The following CSF1R variants were observed in gnomAD, a reference collection of about 807,000 sequenced individuals.
CSF1R encodes macrophage colony-stimulating factor 1 receptor.
CSF1R carries 40 observed loss-of-function variants against 110.0 expected under a neutral mutation model. The observed-to-expected ratio is 0.36, with a 90% confidence interval of 0.28 to 0.47. The LOEUF (loss-of-function observed/expected upper bound fraction) is 0.47. Among genes scored for constraint, CSF1R ranks in the 20% least tolerant of loss-of-function variants. The pLI, the probability that CSF1R is intolerant of heterozygous loss-of-function variation, is 0.99. For synonymous variants in CSF1R, 523 were observed against 503.4 expected, an observed-to-expected ratio of 1.04 and a Z score of -0.52; for missense variants, 1,052 against 1,253.0, an observed-to-expected ratio of 0.84 and a Z score of 2.42.
At chr5:150,092,245 C>A (rs1759067560) in intron 1 of CSF1R, among the ~76,000 whole-genome samples, 1 of 152,186 alleles carries the variant, frequency 6.6e-6, no homozygotes, top group African/African-American at 2.4e-5. Context: ...TATAGTTTGC[C>A]AATCTCTGAT....
intron 10 of CSF1R, among the ~76,000 whole-genome samples, chr5:150,064,836 C>A (rs1757688446): frequency 6.6e-6 from 1 of 152,154 alleles, no homozygotes; most frequent in Non-Finnish European, 1.5e-5. Flanking sequence ...CTGCCTTCTG[C>A]CTGCCTCAGG....
chr5:150,059,058 T>A (rs1274098961), intron 14 of CSF1R, among the ~76,000 whole-genome samples: 1 of 152,112 alleles, frequency 6.6e-6, no homozygotes, highest in Non-Finnish European at 1.5e-5. Context: ...CTCTCTTTTT[T>A]TTTGAGACGG....
intron 3 of CSF1R, 99 bp downstream of exon 3, chr5:150,079,953 G>T: frequency 7.3e-7 from 1 of 1,378,354 alleles, no homozygotes; most frequent in Non-Finnish European, 1.0e-6. Context: ...ACATCCCACT[G>T]CCCCCCATCA....
chr5:150,110,820 T>C (rs1406129032), intron 1 of CSF1R, among the ~76,000 whole-genome samples: 2 of 152,142 alleles, frequency 1.3e-5, no homozygotes, highest in Non-Finnish European at 2.9e-5. Context: ...CATATAAAAA[T>C]ACTCAAAGAA....
chr5:150,112,296 G>A (rs1306971546), intron 1 of CSF1R, among the ~76,000 whole-genome samples: 2 of 152,258 alleles, frequency 1.3e-5, no homozygotes, highest in African/African-American at 4.8e-5. Context: ...TGGGATAATA[G>A]TAGGACTCAG....
intron 4 of CSF1R, among the ~76,000 whole-genome samples, 162 bp from the exon 5 acceptor site, chr5:150,077,597 T>C (rs1034983411): frequency 1.3e-5 from 2 of 152,018 alleles, no homozygotes; most frequent in Non-Finnish European, 2.9e-5. Context: ...CCCAAGACTG[T>C]AGTGAGGAGT....
intron 1 of CSF1R, among the ~76,000 whole-genome samples, chr5:150,097,298 GAAGGGA>G (rs1479969900): frequency 1.2e-5 from 1 of 81,392 alleles, no homozygotes; most frequent in Non-Finnish European, 2.5e-5. Flanking sequence ...AAGGAGAAGG[GAAGGGA>G]AAGGGAAAGG....
chr5:150,086,366 G>A lies in CSF1R; in HGVS notation c.49+13C>T, dbSNP rs372643858. The stretch of plus-strand genomic sequence containing the variant: ...ACCCCAACAAAGTCCCCCACCCCCC[G>A]TTCTGCTCTTACCATGCCAAGCTGT... On this transcript the variant is annotated intron_variant, in intron 1 of 20. Transcript: ENST00000675795. 94 of 1,601,150 alleles carry A rather than the reference G, an allele frequency of 5.9e-5. No homozygotes were observed. The highest frequency in any genetic ancestry group is 8.0e-5 in the South Asian group (7 of 88,040).
At chr5:150,066,239 C>T (rs149804201) in intron 10 of CSF1R, among the ~76,000 whole-genome samples, 5 of 152,318 alleles carry the variant, frequency 3.3e-5, no homozygotes, top group Non-Finnish European at 7.3e-5. Flanking sequence ...GAGACTGTCT[C>T]GTCCAGCACC....
chr5:150,061,446 AT>A, intron 12 of CSF1R, 44 bp downstream of exon 12: 1 of 381,928 alleles, frequency 2.6e-6, no homozygotes. Context: ...CACCCCCAGC[AT>A]CTACCACCCC....
intron 1 of CSF1R, among the ~76,000 whole-genome samples, chr5:150,112,095 T>C (rs1316153086): frequency 6.7e-6 from 1 of 148,960 alleles, no homozygotes; most frequent in East Asian, 2.1e-4. Flanking sequence ...TGTAATTGTG[T>C]TACCCACCCG....
chr5:150,076,579 C>A (rs1263855028), intron 5 of CSF1R, among the ~76,000 whole-genome samples: 2 of 152,134 alleles, frequency 1.3e-5, no homozygotes, highest in Non-Finnish European at 2.9e-5. Flanking sequence ...TTTACAATGA[C>A]CTCCCAATAG....
chr5:150,057,195 G>A lies in CSF1R; in HGVS notation c.2319+92C>T, dbSNP rs930355421. 7 of 1,082,530 alleles carry A rather than the reference G, an allele frequency of 6.5e-6. No individual in the cohort carries two copies. In the African/African-American group the frequency reaches 1.1e-4, roughly 17 times the overall value. 67.1% of individuals were successfully genotyped at this position (1,082,530 alleles called of 1,614,324 possible). A position where few individuals can be genotyped will look rare whatever the true frequency, so the allele number is the denominator to read the frequency against. On this transcript the variant is annotated intron_variant, in intron 16 of 20. Transcript: ENST00000675795. ...CTGTCTCCTCCCCTACCCCCTCACA[G>A]GCTCCCGTTTCCTCCTCCCCATCGT...
At chr5:150,091,954 G>A (rs538976924) in intron 1 of CSF1R, among the ~76,000 whole-genome samples, 2 of 150,332 alleles carry the variant, frequency 1.3e-5, no homozygotes, top group South Asian at 2.1e-4. Flanking sequence ...AAAATAAAAA[G>A]TGCTGGAAAT....
rs1027957275 is a variant in CSF1R at position 150,061,063 on chromosome 5, G to C, written c.1859-91C>G. On this transcript the variant is annotated intron_variant, in intron 12 of 20. Coordinates refer to ENST00000675795, the MANE Select transcript of CSF1R (RefSeq NM_001288705.3). ...ATGGGGACCAAATGCAGAGACCCAG[G>C]GGAGAAAGCAGGGCATACCCCAAGA... is the stretch of plus-strand genomic sequence containing the variant. 10 of 927,566 alleles carry C rather than the reference G, an allele frequency of 1.1e-5. No homozygotes were observed. The Admixed American group carries it at 1.7e-4, about 16-fold the overall frequency. The allele number at this position is 927,566 out of a possible 1,614,324, so 57.5% of individuals were successfully genotyped here. A position where few individuals can be genotyped will look rare whatever the true frequency, so the allele number is the denominator to read the frequency against.
intron 1 of CSF1R, among the ~76,000 whole-genome samples, chr5:150,097,021 G>A (rs1052910290): frequency 6.6e-6 from 1 of 152,290 alleles, no homozygotes; most frequent in East Asian, 1.9e-4. Flanking sequence ...CAGCACTTTG[G>A]GGGGCCAACG....
chr5:150,055,108 A>G (rs1757143883), intron 19 of CSF1R, 129 bp downstream of exon 19: 1 of 751,264 alleles, frequency 1.3e-6, no homozygotes, highest in African/African-American at 1.7e-5. Context: ...TGTTGTGTCC[A>G]CTATGGGAGA....
chr5:150,099,423 C>G (rs1263221600), intron 1 of CSF1R, among the ~76,000 whole-genome samples: 4 of 152,210 alleles, frequency 2.6e-5, no homozygotes, highest in Admixed American at 2.0e-4. Flanking sequence ...AAAAGGCCCT[C>G]TAAGCAAATG....
chr5:150,094,377 G>T, intron 1 of CSF1R: 6 of 1,599,834 alleles, frequency 3.8e-6, no homozygotes, highest in Non-Finnish European at 5.1e-6. Flanking sequence ...AAGGAATTTC[G>T]CAGAGCTGAA....
Sources: allele counts gnomAD v4.1 joint callset (sites outside exome capture counted in the v4.1 genomes callset), GRCh38; gene constraint gnomAD v4.1.1; transcripts MANE v1.5; gene names NCBI Gene and HGNC (gene_info 2026-07-23, HGNC 2026-07-21).